Variants in EHMT2 observed in about 807,000 individuals in gnomAD.
EHMT2 encodes the protein histone-lysine N-methyltransferase EHMT2.
In EHMT2, 59 loss-of-function variants were observed where a neutral mutation model predicts 143.3. The ratio of observed to expected loss-of-function variants is 0.41; its 90% CI spans 0.33 to 0.51. The LOEUF (loss-of-function observed/expected upper bound fraction) is 0.51. Among genes scored for constraint, EHMT2 ranks in the 20% least tolerant of loss-of-function variants. EHMT2 has a pLI of 0.18. For synonymous variants in EHMT2, 604 were observed against 651.5 expected (o/e 0.93, Z 1.11); for missense variants, 1,174 against 1,645.9 (o/e 0.71, Z 4.96).
At position 31,889,131 on chromosome 6, in the gene EHMT2, A is replaced by G. The variant is rs962983454; in HGVS notation, c.1115-61T>C. 37 of 1,542,372 alleles carry G rather than the reference A, an allele frequency of 2.4e-5. No individual in the cohort carries two copies. The highest frequency in any genetic ancestry group is 2.3e-4 in the South Asian group (20 of 85,862). On this transcript the variant is annotated intron_variant, in intron 9 of 27. Coordinates refer to ENST00000375537, the Ensembl canonical transcript of EHMT2. This position sits in a 1 kb window ranked among gnomAD's most constrained non-coding sequence, Gnocchi z 5.1. ...CACAGGTGCCTGGACGCGTGGGTAC[A>G]TGCAGGTGGACATGCGAGAGCGTGT...
At position 31,888,852 on chromosome 6, in the gene EHMT2, G is replaced by T; in HGVS notation, c.1217-105C>A. 6.7e-7 allele frequency: 1 copy of T among 1,499,508 alleles called. No individual in the cohort carries two copies. The highest frequency in any genetic ancestry group is 9.0e-7 in the Non-Finnish European group (1 of 1,105,342). 92.9% of individuals were successfully genotyped at this position (1,499,508 alleles called of 1,614,324 possible). A position where few individuals can be genotyped will look rare whatever the true frequency, so the allele number is the denominator to read the frequency against. ...CCCTACCCCACCCCGCCATGCCCCAGAACCCCTAAAGCCTGGCCATGGACA... is the reference window on the plus strand; with the variant it reads ...CCCTACCCCACCCCGCCATGCCCCATAACCCCTAAAGCCTGGCCATGGACA... On this transcript the variant is annotated intron_variant, in intron 10 of 27. Coordinates refer to ENST00000375537, the Ensembl canonical transcript of EHMT2. The surrounding 1 kb of genome is among the most constrained non-coding windows in gnomAD (Gnocchi z 7.4).
At chr6:31,882,946 C>T (rs369804736) in exon 24 of EHMT2, 1 of 1,612,958 alleles carries the variant, frequency 6.2e-7, no homozygotes, top group Non-Finnish European at 8.5e-7. Flanking sequence ...CATGAGCACG[C>T]CTGGTTACAC....
At chr6:31,890,997 C>T (rs1765610669) in intron 7 of EHMT2, among the ~76,000 whole-genome samples, 1 of 151,086 alleles carries the variant, frequency 6.6e-6, no homozygotes, top group African/African-American at 2.4e-5. Flanking sequence ...GGCTGGAGTG[C>T]AATGGTACGA....
At position 31,889,272 on chromosome 6, in the gene EHMT2, C is replaced by T. The variant is rs752343123; in HGVS notation, c.1070G>A (p.Arg357Gln). The T allele has an allele frequency of 2.5e-6, 4 of 1,612,122 alleles. No homozygotes were observed. The highest frequency in any genetic ancestry group is 2.5e-6 in the Non-Finnish European group (3 of 1,179,902). ...CGGAGGCTCCCGCTTGCGCCGTTTC[C>T]GAGACGGCTTCACCCATGGGCTGTC... Residue 357 changes from arginine (R) to glutamine (Q), a missense_variant, in exon 9 of 28, where the codon CGG becomes CAG. Physicochemically the swap from Arg to Gln is conservative, Grantham distance 43. Coordinates refer to ENST00000375537, the Ensembl canonical transcript of EHMT2. The surrounding 1 kb of genome is among the most constrained non-coding windows in gnomAD (Gnocchi z 5.1).
In EHMT2 at chr6:31,884,322, C is replaced by G; in HGVS notation, c.2771+70G>C. ...GGGGTTGGGGAATGTTGTGAGGATGCAATGGAGCCTGGGGAGGGTATGGGT... is the reference window on the plus strand; with the variant it reads ...GGGGTTGGGGAATGTTGTGAGGATGGAATGGAGCCTGGGGAGGGTATGGGT... On this transcript the variant is annotated intron_variant, in intron 21 of 27. Coordinates refer to ENST00000375537, the Ensembl canonical transcript of EHMT2. The surrounding 1 kb of genome is among the most constrained non-coding windows in gnomAD (Gnocchi z 7.3). 1 of 1,485,788 alleles carries G rather than the reference C, an allele frequency of 6.7e-7. No individual in the cohort carries two copies. 92.0% of individuals were successfully genotyped at this position (1,485,788 alleles called of 1,614,324 possible). A position where few individuals can be genotyped will look rare whatever the true frequency, so the allele number is the denominator to read the frequency against.
chr6:31,896,804 T>C, exon 3 of EHMT2: 1 of 1,612,880 alleles, frequency 6.2e-7, no homozygotes, highest in South Asian at 1.1e-5. Flanking sequence ...CTACGAGGGG[T>C]GTCCCCCAAA....
Position 31,892,919 on chromosome 6 carries a change from C to T in EHMT2, c.583-9G>A, listed in dbSNP as rs1300511084. The T allele has an allele frequency of 5.8e-6, 9 of 1,552,568 alleles. No homozygotes were observed. Among genetic ancestry groups the T allele is most frequent in the Non-Finnish European group, 7.0e-6 (8 of 1,148,524 alleles). ...TTCTCAGGGACCGGGGGCTGTGGGC[C>T]GAGAGGGAGCACACTGAGGGTCAGA... On this transcript the variant is annotated splice_polypyrimidine_tract_variant and intron_variant, in intron 4 of 27. Transcript: ENST00000375537.
exon 3 of EHMT2, chr6:31,896,641 C>T (rs777102357): frequency 1.3e-6 from 2 of 1,590,138 alleles, no homozygotes; most frequent in Non-Finnish European, 8.6e-7. Flanking sequence ...GTCCCCATCT[C>T]CCTCAAGATT....
chr6:31,896,539 G>T (rs766124599), intron 3 of EHMT2, 23 bp from the exon 4 acceptor site: 35 of 1,610,582 alleles, frequency 2.2e-5, no homozygotes, highest in Non-Finnish European at 2.6e-5. Context: ...CAAGCAAAAG[G>T]CAAGATAAGA....
At chr6:31,892,978 G>T in intron 4 of EHMT2, 68 bp from the exon 5 acceptor site, 1 of 1,076,366 alleles carries the variant, frequency 9.3e-7, no homozygotes, top group East Asian at 2.6e-5. Context: ...TTAGCCTGGA[G>T]CCCCAGGCGG....
Position 31,888,336 on chromosome 6 carries a change from T to A in EHMT2, c.1509+27A>T. The A allele has an allele frequency of 6.2e-7, 1 of 1,611,958 alleles. No homozygotes were observed. Among genetic ancestry groups the A allele is most frequent in the Non-Finnish European group, 8.5e-7 (1 of 1,179,384 alleles). On this transcript the variant is annotated intron_variant, in intron 12 of 27. Transcript: ENST00000375537. The surrounding 1 kb of genome is among the most constrained non-coding windows in gnomAD (Gnocchi z 7.4). ...GGGCCCCCTCTGCCACAGGGCATGC[T>A]ACCTGTCTGCCCCACTGGTCACTCA...
At chr6:31,895,302 T>G (rs1249371820) in intron 4 of EHMT2, 1 of 152,248 alleles carries the variant, frequency 6.6e-6, no homozygotes, top group African/African-American at 2.4e-5. Context: ...AGCTTGTTAT[T>G]CTAATGTAAA....
In EHMT2 at chr6:31,880,087, T is replaced by C. The variant is rs900454916; in HGVS notation, c.3630A>G (p.Thr1210=). The change falls in exon 28 of 28, where the codon ACA becomes ACG. Residue 1210 remains threonine, a synonymous_variant. Coordinates refer to ENST00000375537, the Ensembl canonical transcript of EHMT2. The surrounding 1 kb of genome is among the most constrained non-coding windows in gnomAD (Gnocchi z 6.6). Reference sequence around the variant, plus strand: ...GGAGAGAGGGTGTGGTCCGTTCTCATGTGTTGACAGGGGGCAGGGAGCCGA... The same window carrying C: ...GGAGAGAGGGTGTGGTCCGTTCTCACGTGTTGACAGGGGGCAGGGAGCCGA... 7 of 1,612,278 alleles carry C rather than the reference T, an allele frequency of 4.3e-6. No homozygotes were observed. Among genetic ancestry groups the C allele is most frequent in the Non-Finnish European group, 5.9e-6 (7 of 1,179,814 alleles).
intron 18 of EHMT2, 200 bp downstream of exon 18, chr6:31,886,381 G>A (rs548966354): frequency 1.8e-4 from 110 of 597,124 alleles, no homozygotes; most frequent in Middle Eastern, 8.9e-4. Context: ...GACAGGAACT[G>A]ATTATTCTGA....
At position 31,880,548 on chromosome 6, in the gene EHMT2, A is replaced by G. The variant is rs1420158855; in HGVS notation, c.3452+125T>C. The G allele has an allele frequency of 1.5e-5, 16 of 1,068,314 alleles. No homozygotes were observed. Among genetic ancestry groups the G allele is most frequent in the Non-Finnish European group, 2.2e-5 (16 of 742,508 alleles). 66.2% of individuals were successfully genotyped at this position (1,068,314 alleles called of 1,614,324 possible). A position where few individuals can be genotyped will look rare whatever the true frequency, so the allele number is the denominator to read the frequency against. On this transcript the variant is annotated intron_variant, in intron 27 of 27. Coordinates refer to ENST00000375537, the Ensembl canonical transcript of EHMT2. The surrounding 1 kb of genome is among the most constrained non-coding windows in gnomAD (Gnocchi z 6.6). Reference sequence around the variant, plus strand: ...AGTCCTCCAGGAAATACTTATGTACACTGAAATCTGAGAAGCTCTGCACTA... The same window carrying G: ...AGTCCTCCAGGAAATACTTATGTACGCTGAAATCTGAGAAGCTCTGCACTA...
intron 1 of EHMT2, 26 bp from the exon 2 acceptor site, chr6:31,897,015 G>A: frequency 6.5e-7 from 1 of 1,548,006 alleles, no homozygotes; most frequent in Non-Finnish European, 8.7e-7. Flanking sequence ...AGGGACAGGA[G>A]GGCTGGTCAG....
At chr6:31,885,042 G>T (rs1328442950) in intron 18 of EHMT2, 26 bp from the exon 19 acceptor site, 9 of 1,586,702 alleles carry the variant, frequency 5.7e-6, no homozygotes, top group Non-Finnish European at 7.7e-6. Flanking sequence ...GAGTGAGGGT[G>T]GGGGCAGCTG....
Position 31,884,946 on chromosome 6 carries a change from A to G in EHMT2, c.2414T>C (p.Leu805Pro). Residue 805 changes from leucine (L) to proline (P), a missense_variant, in exon 19 of 28, where the codon CTG (leucine) becomes CCG (proline). Physicochemically the swap from Leu to Pro is moderately conservative, Grantham distance 98. Transcript: ENST00000375537. This position sits in a 1 kb window ranked among gnomAD's most constrained non-coding sequence, Gnocchi z 7.3. ...GAGGGTGACGTCGGCGCCCCGCGTC[A>G]GTAGCATGCGGATCACCTCGATGTG... The G allele has an allele frequency of 6.2e-7, 1 of 1,609,676 alleles. No individual in the cohort carries two copies. The highest frequency in any genetic ancestry group is 8.5e-7 in the Non-Finnish European group (1 of 1,176,742).
chr6:31,893,406 G>T (rs1050121924), intron 4 of EHMT2: 1 of 441,834 alleles, frequency 2.3e-6, no homozygotes, highest in Admixed American at 2.4e-5. Flanking sequence ...CTTCAGCCTC[G>T]AACTGGACTC....
Sources: gnomAD v4.1 joint callset for allele counts (sites outside exome capture counted in the v4.1 genomes callset) on GRCh38, gnomAD v4.1.1 for gene constraint, Gnocchi (gnomAD v3.1) non-coding constraint, MANE v1.5 for transcripts, NCBI Gene and HGNC (gene_info 2026-07-23, HGNC 2026-07-21) for gene names.